NRXN1: variants seen among roughly 807,000 people sequenced by gnomAD.
NRXN1 encodes the protein neurexin-1.
Under a neutral mutation model 150.9 loss-of-function variants are expected in NRXN1, and 39 were observed. That is an observed-to-expected ratio of 0.26 (90% CI 0.20 to 0.34). The LOEUF (loss-of-function observed/expected upper bound fraction) is 0.34, where lower values mean the gene tolerates loss of function less well. Among genes scored for constraint, NRXN1 ranks in the 10% least tolerant of loss-of-function variants. The pLI, the probability that NRXN1 is intolerant of heterozygous loss-of-function variation, is 1.00. For synonymous variants in NRXN1, 924 were observed against 757.0 expected, an observed-to-expected ratio of 1.22 and a Z score of -3.62; for missense variants, 1,815 against 1,949.9, an observed-to-expected ratio of 0.93 and a Z score of 1.30.
chr2:50,235,471 G>A (rs1270137829), intron 18 of NRXN1, among the ~76,000 whole-genome samples: 3 of 152,002 alleles, frequency 2.0e-5, no homozygotes, highest in African/African-American at 7.2e-5. Context: ...AATGAATTCA[G>A]CCCTTGTGGT....
chr2:50,560,453 TTTAC>T (rs1001698955), intron 8 of NRXN1, among the ~76,000 whole-genome samples: 11 of 149,326 alleles, frequency 7.4e-5, no homozygotes, highest in Admixed American at 3.3e-4. Flanking sequence ...TATTTATTTA[TTTAC>T]TTAGAAGCCG....
intron 5 of NRXN1, among the ~76,000 whole-genome samples, chr2:50,695,643 T>C (rs1692716035): frequency 6.6e-6 from 1 of 152,172 alleles, no homozygotes; most frequent in Non-Finnish European, 1.5e-5. Context: ...TTAAAATATG[T>C]GAAATATGTT....
chr2:50,234,783 G>A (rs987727185), intron 18 of NRXN1, among the ~76,000 whole-genome samples: 1 of 151,938 alleles, frequency 6.6e-6, no homozygotes, highest in Non-Finnish European at 1.5e-5. Context: ...AATCCAAAGA[G>A]AACGACCAGG....
At chr2:50,042,899 C>T (rs928100462) in intron 21 of NRXN1, among the ~76,000 whole-genome samples, 1 of 152,038 alleles carries the variant, frequency 6.6e-6, no homozygotes, top group Non-Finnish European at 1.5e-5. Context: ...TAAAATCTTC[C>T]TGTGCCATTA....
At position 50,287,073 on chromosome 2, in the gene NRXN1, C is replaced by T. The variant is rs75736969; in HGVS notation, c.3365-50103G>A. On this transcript the variant is annotated intron_variant, in intron 17 of 22. Transcript: ENST00000401669. The stretch of plus-strand genomic sequence containing the variant: ...ATGATCATCAATAAGTACAGGCTTG[C>T]AAATTACTTCCCTACATGACTTAAC... Among the ~76,000 whole-genome samples, 874 of 152,100 alleles carry T rather than the reference C, an allele frequency of 5.7e-3. 12 individuals are homozygous for T. The highest frequency in any genetic ancestry group is 0.02 in the African/African-American group (849 of 41,500).
intron 17 of NRXN1, among the ~76,000 whole-genome samples, chr2:50,392,214 C>G (rs1004556713): frequency 1.3e-5 from 2 of 152,092 alleles, no homozygotes; most frequent in Non-Finnish European, 2.9e-5. Context: ...CAAAAATACA[C>G]TAAAGGAGAA....
chr2:50,794,587 AT>A (rs1277873305), intron 5 of NRXN1, among the ~76,000 whole-genome samples: 2 of 152,146 alleles, frequency 1.3e-5, no homozygotes, highest in East Asian at 1.9e-4. Context: ...TATAAAAAAA[AT>A]CAATTAAACA....
intron 2 of NRXN1, among the ~76,000 whole-genome samples, chr2:50,931,094 C>G (rs180992569): frequency 6.6e-6 from 1 of 152,202 alleles, no homozygotes; most frequent in African/African-American, 2.4e-5. Flanking sequence ...GTATTACCAT[C>G]AGAGAATATT....
intron 17 of NRXN1, among the ~76,000 whole-genome samples, chr2:50,280,202 C>T (rs1204674407): frequency 1.3e-5 from 2 of 148,350 alleles, no homozygotes; most frequent in East Asian, 2.0e-4. Context: ...GGCGTGAACA[C>T]GGGAGGCGGA....
intron 5 of NRXN1, among the ~76,000 whole-genome samples, chr2:50,776,402 A>G (rs1312984568): frequency 1.3e-5 from 2 of 152,044 alleles, no homozygotes; most frequent in Non-Finnish European, 2.9e-5. Flanking sequence ...GGCCACATAT[A>G]CTGCAGGAAT....
chr2:50,554,235 T>C (rs113618988), intron 8 of NRXN1, among the ~76,000 whole-genome samples: 8 of 152,224 alleles, frequency 5.3e-5, no homozygotes, highest in South Asian at 2.1e-4. Flanking sequence ...TTATATAATA[T>C]ATGTAACAGG....
intron 5 of NRXN1, among the ~76,000 whole-genome samples, chr2:50,783,431 C>G (rs540356035): frequency 9.9e-5 from 15 of 152,128 alleles, no homozygotes; most frequent in Non-Finnish European, 2.2e-4. Context: ...CGGTCTGTGA[C>G]TTTTTAAACT....
At chr2:50,170,004 G>C (rs992600911) in intron 18 of NRXN1, among the ~76,000 whole-genome samples, 5 of 151,780 alleles carry the variant, frequency 3.3e-5, no homozygotes, top group African/African-American at 1.2e-4. Context: ...AAATATTTCT[G>C]ATCATGACCC....
intron 19 of NRXN1, among the ~76,000 whole-genome samples, chr2:50,087,361 A>G (rs1698937359): frequency 6.6e-6 from 1 of 152,130 alleles, no homozygotes; most frequent in Non-Finnish European, 1.5e-5. Flanking sequence ...GTAGAGTGTA[A>G]AAGAAATCTT....
chr2:50,448,887 A>G (rs1187669326), intron 17 of NRXN1, among the ~76,000 whole-genome samples: 1 of 152,180 alleles, frequency 6.6e-6, no homozygotes, highest in Non-Finnish European at 1.5e-5. Flanking sequence ...AATAAAATAA[A>G]TAAATAAAAG....
At chr2:50,964,728 T>C (rs1277459719) in intron 2 of NRXN1, among the ~76,000 whole-genome samples, 1 of 151,532 alleles carries the variant, frequency 6.6e-6, no homozygotes, top group African/African-American at 2.4e-5. Context: ...AATGCTTTAT[T>C]TCAGGTGGAA....
At chr2:50,323,382 G>A in intron 17 of NRXN1, among the ~76,000 whole-genome samples, 1 of 152,054 alleles carries the variant, frequency 6.6e-6, no homozygotes. Flanking sequence ...TGCTTTCAGA[G>A]TGTTTCATTT....
chr2:50,484,688 T>C lies in NRXN1; in HGVS notation c.3070+11217A>G, dbSNP rs78796280. 1.4e-4 allele frequency among the ~76,000 whole-genome samples: 21 copies of C among 152,318 alleles called. No homozygotes were observed. The East Asian group carries it at 3.9e-3, about 28-fold the overall frequency. On this transcript the variant is annotated intron_variant, in intron 15 of 22. Coordinates refer to ENST00000401669, the MANE Select transcript of NRXN1 (RefSeq NM_001330078.2). ...ACAGCAATTAAAGTTGTTAGCTGTA[T>C]TGTTTGAGGAGAACTTCAGGGGCTA...
intron 21 of NRXN1, among the ~76,000 whole-genome samples, chr2:49,984,029 G>A (rs1489597440): frequency 2.6e-5 from 4 of 151,932 alleles, no homozygotes; most frequent in African/African-American, 9.7e-5. Context: ...AGCTGGGTGT[G>A]GTAATACAGC....
Sources: allele counts gnomAD v4.1 joint callset (sites outside exome capture counted in the v4.1 genomes callset), GRCh38; gene constraint gnomAD v4.1.1; transcripts MANE v1.5; gene names NCBI Gene and HGNC (gene_info 2026-07-23, HGNC 2026-07-21).